The following CIDEA variants were observed in gnomAD, a reference collection of about 807,000 sequenced individuals.
CIDEA encodes lipid transferase CIDEA.
CIDEA carries 10 observed loss-of-function variants against 18.2 expected under a neutral mutation model. The ratio of observed to expected loss-of-function variants is 0.55; its 90% CI spans 0.34 to 0.93. The LOEUF (loss-of-function observed/expected upper bound fraction) is 0.93, where lower values mean the gene tolerates loss of function less well. CIDEA is among the 40% of genes least tolerant of loss of function. The probability of loss-of-function intolerance (pLI) is 0.02; values close to 1 mark genes in which losing one functional copy is unlikely to be tolerated. For missense variants in CIDEA, 309 were observed against 293.1 expected (o/e 1.05, Z -0.40); for synonymous variants, 128 against 124.8 (o/e 1.03, Z -0.17).
At position 12,274,256 on chromosome 18, in the gene CIDEA, G is replaced by A; in HGVS notation, c.494G>A (p.Gly165Glu). 6.2e-7 allele frequency: 1 copy of A among 1,614,144 alleles called. No homozygotes were observed. ...GTGTCCTACGACATCCGGTGCACGG[G>A]ACTCAAGGGCCTGCTGAGGTAACAC... Reference protein sequence around the residue: ...YSVSYDIRCTGLKGLLRSLLR... With the variant: ...YSVSYDIRCTELKGLLRSLLR... Residue 165 changes from glycine to glutamate, a missense_variant, in exon 4 of 5, where the codon GGA becomes GAA. Transcript: ENST00000320477.
chr18:12,277,432 T>C lies in CIDEA; in HGVS notation c.*162T>C. On this transcript the variant is annotated 3_prime_UTR_variant, in exon 5 of 5. Coordinates refer to ENST00000320477, the MANE Select transcript of CIDEA (RefSeq NM_001279.4). ...GAAAAGGAAAGGGCTTGGTGGTACA[T>C]GAAGTGGGGGCAGTGGGCAGGGTGC... 2 of 700,268 alleles carry C rather than the reference T, an allele frequency of 2.9e-6. No homozygotes were observed. Among genetic ancestry groups the C allele is most frequent in the Non-Finnish European group, 4.3e-6 (2 of 465,486 alleles). The allele number at this position is 700,268 out of a possible 1,614,324, so 43.4% of individuals were successfully genotyped here.
intron 4 of CIDEA, among the ~76,000 whole-genome samples, chr18:12,275,102 C>T (rs1912669029): frequency 6.6e-6 from 1 of 152,256 alleles, no homozygotes; most frequent in African/African-American, 2.4e-5. Context: ...GTCAGCAGAT[C>T]ACTTGAGGCC....
At chr18:12,271,699 G>C (rs753953432) in intron 3 of CIDEA, among the ~76,000 whole-genome samples, 2 of 152,124 alleles carry the variant, frequency 1.3e-5, no homozygotes, top group African/African-American at 4.8e-5. Flanking sequence ...CCGGCCACGC[G>C]CTCCAGGGGG....
chr18:12,258,631 G>A (rs1275802145), intron 1 of CIDEA, among the ~76,000 whole-genome samples: 2 of 152,216 alleles, frequency 1.3e-5, no homozygotes, highest in Admixed American at 6.5e-5. Flanking sequence ...TCTTGTGGGA[G>A]CCGCGTCTTC....
Position 12,261,913 on chromosome 18 carries a change from G to T in CIDEA, c.39-912G>T, listed in dbSNP as rs945036172. ...TGCATTTCTTAAATTGCTATCAAAA[G>T]CTTCATCTGGGAGGCTGAGGCAGGA... On this transcript the variant is annotated intron_variant, in intron 1 of 4. Coordinates refer to ENST00000320477, the MANE Select transcript of CIDEA (RefSeq NM_001279.4). Among the ~76,000 whole-genome samples the T allele has an allele frequency of 2.6e-5, 4 of 151,564 alleles. No homozygotes were observed. In the South Asian group the frequency reaches 8.4e-4, roughly 32 times the overall value.
intron 1 of CIDEA, 142 bp downstream of exon 1, chr18:12,254,563 C>CCCGAGCACACACCCAT: frequency 1.3e-6 from 2 of 1,509,726 alleles, no homozygotes; most frequent in Admixed American, 2.0e-5. Context: ...GCTCCGCGAC[C>CCCGAGCACACACCCAT]CCGCGCACAC....
intron 3 of CIDEA, among the ~76,000 whole-genome samples, chr18:12,273,556 A>G (rs1598782607): frequency 6.6e-6 from 1 of 152,274 alleles, no homozygotes; most frequent in East Asian, 1.9e-4. Context: ...TTCCCCATGG[A>G]GTCCGCTCTC....
At chr18:12,258,939 C>T (rs1912113923) in intron 1 of CIDEA, among the ~76,000 whole-genome samples, 1 of 152,208 alleles carries the variant, frequency 6.6e-6, no homozygotes, top group Non-Finnish European at 1.5e-5. Context: ...ACAGCCCGTC[C>T]TCACCGCCCT....
chr18:12,269,521 G>C (rs1193739576), intron 3 of CIDEA, among the ~76,000 whole-genome samples: 1 of 152,128 alleles, frequency 6.6e-6, no homozygotes, highest in African/African-American at 2.4e-5. Context: ...CCATCAGTCC[G>C]TCTTCCATTT....
intron 4 of CIDEA, among the ~76,000 whole-genome samples, chr18:12,275,117 G>A (rs1469632988): frequency 6.6e-6 from 1 of 152,244 alleles, no homozygotes; most frequent in Non-Finnish European, 1.5e-5. Context: ...GAGGCCAAGA[G>A]TTCGAGACCA....
chr18:12,260,695 C>T (rs951148189), intron 1 of CIDEA, among the ~76,000 whole-genome samples: 6 of 152,158 alleles, frequency 3.9e-5, no homozygotes, highest in African/African-American at 1.2e-4. Flanking sequence ...AGTGCCAAAT[C>T]GCAGGTGACA....
At position 12,277,474 on chromosome 18, in the gene CIDEA, A is replaced by C; in HGVS notation, c.*204A>C. ...GCAGGGTGCCCTGGGGGGGAGGCAT[A>C]GAGGGCCCTGGGGGTCATGGGAAGC... On this transcript the variant is annotated 3_prime_UTR_variant, in exon 5 of 5. Transcript: ENST00000320477. 1.7e-6 allele frequency: 1 copy of C among 595,616 alleles called. No homozygotes were observed. The allele number at this position is 595,616 out of a possible 1,614,324, so 36.9% of individuals were successfully genotyped here. A position where few individuals can be genotyped will look rare whatever the true frequency, so the allele number is the denominator to read the frequency against.
At chr18:12,274,838 C>T (rs539122061) in intron 4 of CIDEA, among the ~76,000 whole-genome samples, 1 of 152,212 alleles carries the variant, frequency 6.6e-6, no homozygotes, top group Non-Finnish European at 1.5e-5. Flanking sequence ...AGCCATACCC[C>T]AGACCCATTC....
At position 12,256,645 on chromosome 18, in the gene CIDEA, G is replaced by A. The variant is rs1046453163; in HGVS notation, c.38+2224G>A. Among the ~76,000 whole-genome samples the A allele has an allele frequency of 3.5e-4, 53 of 152,196 alleles. 1 individual carries two copies. Among genetic ancestry groups the A allele is most frequent in the Non-Finnish European group, 1.2e-4 (8 of 68,034 alleles). On this transcript the variant is annotated intron_variant, in intron 1 of 4. Transcript: ENST00000320477. Reference sequence around the variant, plus strand: ...GTTATAAGCTTCGTGTGAAATGGCTGCTTTCATAGCTATCTAGCACATTTT... The same window carrying A: ...GTTATAAGCTTCGTGTGAAATGGCTACTTTCATAGCTATCTAGCACATTTT...
At chr18:12,272,438 C>A (rs1164766162) in intron 3 of CIDEA, among the ~76,000 whole-genome samples, 1 of 152,132 alleles carries the variant, frequency 6.6e-6, no homozygotes, top group Non-Finnish European at 1.5e-5. Flanking sequence ...ATCTCAAACT[C>A]CTGACCTCAG....
chr18:12,269,746 G>T (rs527414427), intron 3 of CIDEA, among the ~76,000 whole-genome samples: 18 of 152,140 alleles, frequency 1.2e-4, no homozygotes, highest in Middle Eastern at 6.8e-3. Context: ...CACCCGGGCT[G>T]GAGTGCAGTG....
chr18:12,273,979 C>G lies in CIDEA; in HGVS notation c.331-114C>G. On this transcript the variant is annotated intron_variant, in intron 3 of 4. Coordinates refer to ENST00000320477, the MANE Select transcript of CIDEA (RefSeq NM_001279.4). Reference sequence around the variant, plus strand: ...TCTCTATCGATTAGCCACGGAGCCGCTCACAGACCTTAAACAGACACATAG... The same window carrying G: ...TCTCTATCGATTAGCCACGGAGCCGGTCACAGACCTTAAACAGACACATAG... 3.4e-6 allele frequency: 4 copies of G among 1,166,488 alleles called. No homozygotes were observed. The South Asian group carries it at 4.4e-5, about 13-fold the overall frequency. The allele number at this position is 1,166,488 out of a possible 1,614,324, so 72.3% of individuals were successfully genotyped here. A position where few individuals can be genotyped will look rare whatever the true frequency, so the allele number is the denominator to read the frequency against.
intron 1 of CIDEA, 145 bp from the exon 2 acceptor site, chr18:12,262,680 C>G: frequency 1.4e-6 from 1 of 720,806 alleles, no homozygotes; most frequent in Non-Finnish European, 2.3e-6. Context: ...TATGTGTACA[C>G]TTGTATATAT....
chr18:12,254,736 C>G (rs146378622), intron 1 of CIDEA: 39 of 1,449,454 alleles, frequency 2.7e-5, no homozygotes, highest in Non-Finnish European at 3.5e-5. Flanking sequence ...TGGCGAGTGG[C>G]TGCATGCATC....
Sources: allele counts gnomAD v4.1 joint callset (sites outside exome capture counted in the v4.1 genomes callset), GRCh38; gene constraint gnomAD v4.1.1; transcripts MANE v1.5; gene names NCBI Gene and HGNC (gene_info 2026-07-23, HGNC 2026-07-21).